Variants in ACSS1 observed in about 807,000 individuals in gnomAD.
The protein encoded by ACSS1 is acetyl-coenzyme A synthetase 2-like, mitochondrial.
A neutral mutation model predicts 75.3 loss-of-function variants in ACSS1; 42 were observed. The observed-to-expected ratio is 0.56, with a 90% CI of 0.44 to 0.72. ACSS1 has a LOEUF of 0.72. Among genes scored for constraint, ACSS1 ranks in the 30% least tolerant of loss-of-function variants. ACSS1 has a pLI of 0.00. For missense variants in ACSS1, 782 were observed against 935.7 expected, an observed-to-expected ratio of 0.84 and a Z score of 2.14; for synonymous variants, 380 against 376.8, an observed-to-expected ratio of 1.01 and a Z score of -0.10.
rs1410082417 is a variant in ACSS1, at chr20:25,006,305, G to A, written c.*1457C>T. The A allele has an allele frequency of 6.5e-6, 1 of 152,744 alleles. No individual in the cohort carries two copies. The highest frequency in any genetic ancestry group is 1.5e-5 in the Non-Finnish European group (1 of 68,446). The allele number at this position is 152,744 out of a possible 1,614,324, so 9.5% of individuals were successfully genotyped here. On this transcript the variant is annotated 3_prime_UTR_variant, in exon 14 of 14. Transcript: ENST00000323482. ...ATTCAGATGCCCGGGACCATGTCCAGGTTCCTCTCAGCAACATGGAAAGCT... is the reference window on the plus strand; with the variant it reads ...ATTCAGATGCCCGGGACCATGTCCAAGTTCCTCTCAGCAACATGGAAAGCT...
At chr20:25,053,942 A>G (rs2089209999) in intron 1 of ACSS1, among the ~76,000 whole-genome samples, 1 of 152,256 alleles carries the variant, frequency 6.6e-6, no homozygotes, top group South Asian at 2.1e-4. Context: ...ACTTCCTGAC[A>G]TCTTGAGTTG....
intron 3 of ACSS1, among the ~76,000 whole-genome samples, chr20:25,026,781 G>C (rs1043462521): frequency 2.0e-5 from 3 of 152,206 alleles, no homozygotes; most frequent in Admixed American, 6.5e-5. Flanking sequence ...CAGGAACCTG[G>C]TACCTGCAGA....
chr20:25,033,445 A>G (rs2088861002), intron 2 of ACSS1, among the ~76,000 whole-genome samples: 1 of 152,224 alleles, frequency 6.6e-6, no homozygotes, highest in Non-Finnish European at 1.5e-5. Flanking sequence ...TACAGCTGTC[A>G]CAAGTATTAA....
chr20:25,022,198 A>C (rs572015446), intron 5 of ACSS1, among the ~76,000 whole-genome samples: 1 of 152,190 alleles, frequency 6.6e-6, no homozygotes, highest in South Asian at 2.1e-4. Flanking sequence ...CTCTACTAAA[A>C]ATACAAAAAA....
intron 7 of ACSS1, among the ~76,000 whole-genome samples, chr20:25,016,894 T>A (rs2088526101): frequency 6.6e-6 from 1 of 152,142 alleles, no homozygotes; most frequent in Non-Finnish European, 1.5e-5. Context: ...CAGAGCTGCA[T>A]CCACTACAGG....
chr20:25,011,843 G>A (rs994644057), intron 12 of ACSS1: 2 of 152,346 alleles, frequency 1.3e-5, no homozygotes, highest in Admixed American at 6.5e-5. Context: ...GCCTCCCAGC[G>A]GGAGGGCAAG....
rs545680361 is a variant in ACSS1 at position 25,022,476 on chromosome 20, A to AAC, written c.960+462_960+463dup. Among the ~76,000 whole-genome samples the AAC allele has an allele frequency of 2.6e-3, 401 of 152,348 alleles. 1 individual carries two copies. Among genetic ancestry groups the AAC allele is most frequent in the African/African-American group, 9.5e-3 (393 of 41,582 alleles). ...TGGGTCACAAAACTATCAAAATAAA[A>AAC]ACAGGGCAGGCGCACAAGACACATC... On this transcript the variant is annotated intron_variant, in intron 5 of 13. Transcript: ENST00000323482.
intron 13 of ACSS1, 113 bp from the exon 14 acceptor site, chr20:25,008,054 T>C (rs1196315301): frequency 7.4e-7 from 1 of 1,344,354 alleles, no homozygotes; most frequent in African/African-American, 1.5e-5. Context: ...CTCCCGGGGA[T>C]CCACAGTGGA....
chr20:25,009,222 G>A, intron 13 of ACSS1, 48 bp downstream of exon 13: 1 of 1,432,418 alleles, frequency 7.0e-7, no homozygotes, highest in Middle Eastern at 1.8e-4. Context: ...CTTGACAATT[G>A]TGGGAAGAAC....
chr20:25,048,271 G>T, intron 1 of ACSS1, 90 bp from the exon 2 acceptor site: 2 of 1,070,508 alleles, frequency 1.9e-6, no homozygotes, highest in Middle Eastern at 2.0e-4. Context: ...GGTCTAGTTT[G>T]CTGTGGCTCT....
chr20:25,035,770 T>C (rs1052904591), intron 2 of ACSS1, among the ~76,000 whole-genome samples: 16 of 152,234 alleles, frequency 1.1e-4, no homozygotes, highest in African/African-American at 3.9e-4. Flanking sequence ...TCCAGACATA[T>C]ATTATTGGAA....
At chr20:25,014,551 G>C (rs971240573) in intron 8 of ACSS1, among the ~76,000 whole-genome samples, 3 of 152,204 alleles carry the variant, frequency 2.0e-5, no homozygotes, top group Non-Finnish European at 4.4e-5. Flanking sequence ...ACTGTCCCAT[G>C]GGAACGCCTC....
At chr20:25,046,887 T>C (rs1223387317) in intron 2 of ACSS1, 3 of 779,544 alleles carry the variant, frequency 3.8e-6, no homozygotes, top group Non-Finnish European at 7.2e-6. Context: ...AGATAAGAAA[T>C]GCGTGCTGTA....
chr20:25,013,757 A>C, intron 9 of ACSS1, 95 bp from the exon 10 acceptor site: 1 of 1,490,530 alleles, frequency 6.7e-7, no homozygotes, highest in Non-Finnish European at 9.0e-7. Context: ...AGCTGTCCAT[A>C]GCTCTCCCCT....
intron 2 of ACSS1, among the ~76,000 whole-genome samples, chr20:25,044,014 G>T (rs2089045771): frequency 1.3e-5 from 2 of 152,168 alleles, no homozygotes; most frequent in Non-Finnish European, 2.9e-5. Flanking sequence ...GGCACCCCCA[G>T]CCTGGCACCC....
At chr20:25,019,917 G>C (rs990634283) in intron 7 of ACSS1, 93 bp downstream of exon 7, 1 of 1,557,764 alleles carries the variant, frequency 6.4e-7, no homozygotes, top group Non-Finnish European at 8.7e-7. Context: ...ACAAAGCCGG[G>C]CAGCTTCATG....
chr20:25,021,413 T>A lies in ACSS1; in HGVS notation c.1084A>T (p.Ser362Cys). 1 of 1,614,128 alleles carries A rather than the reference T, an allele frequency of 6.2e-7. No individual in the cohort carries two copies. The highest frequency in any genetic ancestry group is 1.3e-5 in the African/African-American group (1 of 75,036). Residue 362 changes from serine (S) to cysteine (C), a missense_variant, in exon 6 of 14, where the codon AGC becomes TGC. This residue lies in a region of ACSS1 where 405 missense variants were observed against 552.6 expected (regional missense o/e 0.73). Coordinates refer to ENST00000323482, the MANE Select transcript of ACSS1 (RefSeq NM_032501.4). Reference protein sequence around the residue: ...CNGATSVLFESTPVYPNAGRY... With the variant: ...CNGATSVLFECTPVYPNAGRY... Reference sequence around the variant, plus strand: ...CCAGCATTGGGATAAACTGGGGTGCTCTCAAAAAGGACGCTGGTGGCACCA... The same window carrying A: ...CCAGCATTGGGATAAACTGGGGTGCACTCAAAAAGGACGCTGGTGGCACCA...
Position 25,057,773 on chromosome 20 carries a change from G to A in ACSS1, c.330C>T (p.Val110=), listed in dbSNP as rs547713515. ...GGTCTCCCGAAGCCCACTCACCAGA[G>A]ACATTTAACTGGCCTCCCAGGAACC... ...IGWFLGGQLN[V]SVNCLDQHVR... The change falls in exon 1 of 14, where the codon GTC becomes GTT. Residue 110 remains valine (V), a synonymous_variant. Coordinates refer to ENST00000323482, the MANE Select transcript of ACSS1 (RefSeq NM_032501.4). The A allele has an allele frequency of 1.9e-6, 3 of 1,575,918 alleles. No individual in the cohort carries two copies. The highest frequency in any genetic ancestry group is 3.4e-5 in the Admixed American group (2 of 58,366).
chr20:25,049,858 G>T (rs916408498), intron 1 of ACSS1, among the ~76,000 whole-genome samples: 1 of 152,020 alleles, frequency 6.6e-6, no homozygotes, highest in Non-Finnish European at 1.5e-5. Context: ...AAGTCCCCCG[G>T]TAACAGTCCA....
Sources: gnomAD v4.1 joint callset for allele counts (sites outside exome capture counted in the v4.1 genomes callset) on GRCh38, gnomAD v4.1.1 for gene constraint, gnomAD v4.1.1 regional missense constraint, MANE v1.5 for transcripts, NCBI Gene and HGNC (gene_info 2026-07-23, HGNC 2026-07-21) for gene names.